CIBAR2: variants seen among roughly 807,000 people sequenced by gnomAD.
CIBAR2 encodes the protein CBY1-interacting BAR domain-containing protein 2.
A neutral mutation model predicts 36.2 loss-of-function variants in CIBAR2; 38 were observed. The ratio of observed to expected loss-of-function variants is 1.05; its 90% CI spans 0.81 to 1.38. The LOEUF (loss-of-function observed/expected upper bound fraction) is 1.38, where lower values mean the gene tolerates loss of function less well. Ranked by LOEUF, CIBAR2 falls within the 40% of genes most tolerant of loss-of-function variation. The pLI is 0.00. For missense variants in CIBAR2, 481 were observed against 383.4 expected, an observed-to-expected ratio of 1.25 and a Z score of -2.13; for synonymous variants, 182 against 149.5, an observed-to-expected ratio of 1.22 and a Z score of -1.58.
intron 7 of CIBAR2, among the ~76,000 whole-genome samples, chr16:85,101,823 C>A (rs2073957958): frequency 1.3e-5 from 2 of 152,068 alleles, no homozygotes; most frequent in African/African-American, 4.8e-5. Flanking sequence ...GTGCCCACCA[C>A]CACGCCTGGC....
chr16:85,108,260 C>T (rs974473024), intron 2 of CIBAR2, among the ~76,000 whole-genome samples, 161 bp from the exon 3 acceptor site: 11 of 152,178 alleles, frequency 7.2e-5, no homozygotes, highest in African/African-American at 1.7e-4. Context: ...GTTGGAGGCA[C>T]GGAGCTGGGT....
At chr16:85,108,171 G>T in intron 2 of CIBAR2, 72 bp from the exon 3 acceptor site, 1 of 1,438,112 alleles carries the variant, frequency 7.0e-7, no homozygotes, top group Non-Finnish European at 9.4e-7. Context: ...ATATAAAGCA[G>T]AGCCGGCACC....
intron 4 of CIBAR2, 42 bp from the exon 5 acceptor site, chr16:85,107,714 G>T: frequency 6.2e-7 from 1 of 1,613,262 alleles, no homozygotes; most frequent in African/African-American, 1.3e-5. Context: ...AGCCCAGGCA[G>T]CCCCGTTGGG....
intron 6 of CIBAR2, among the ~76,000 whole-genome samples, chr16:85,104,544 C>G (rs1220005499): frequency 6.6e-6 from 1 of 152,022 alleles, no homozygotes; most frequent in Non-Finnish European, 1.5e-5. Context: ...CACCTCCCCC[C>G]ATCTCTACTA....
chr16:85,098,907 G>T lies in CIBAR2; in HGVS notation c.*278C>A. On this transcript the variant is annotated 3_prime_UTR_variant, in exon 9 of 9. Transcript: ENST00000539556. ...GAGACTTTCCCAAGGTCACACCGCC[G>T]GGAGCAGTGGGCTCGGACCAAGAAA... 3.5e-6 allele frequency: 1 copy of T among 286,142 alleles called. No homozygotes were observed. Among genetic ancestry groups the T allele is most frequent in the Non-Finnish European group, 6.2e-6 (1 of 161,258 alleles). The allele number at this position is 286,142 out of a possible 1,614,324, so 17.7% of individuals were successfully genotyped here. A position where few individuals can be genotyped will look rare whatever the true frequency, so the allele number is the denominator to read the frequency against.
At chr16:85,102,417 G>T in intron 6 of CIBAR2, 90 bp from the exon 7 acceptor site, 1 of 787,088 alleles carries the variant, frequency 1.3e-6, no homozygotes. Flanking sequence ...GTGGGGGTGT[G>T]GAGGGCTGTC....
chr16:85,100,876 T>C (rs1039919692), intron 7 of CIBAR2, among the ~76,000 whole-genome samples: 17 of 151,902 alleles, frequency 1.1e-4, no homozygotes, highest in South Asian at 2.1e-4. Context: ...TGAAACCCCG[T>C]CTCTACTAAA....
At chr16:85,107,584 G>C (rs2074006105) in intron 5 of CIBAR2, 83 bp downstream of exon 5, 1 of 1,474,736 alleles carries the variant, frequency 6.8e-7, no homozygotes, top group African/African-American at 1.4e-5. Context: ...TTCAGACCAG[G>C]TAAAGTCTAC....
intron 1 of CIBAR2, among the ~76,000 whole-genome samples, chr16:85,110,967 A>G (rs1161106653): frequency 6.6e-6 from 1 of 152,056 alleles, no homozygotes; most frequent in Non-Finnish European, 1.5e-5. Flanking sequence ...GGCCTCCCAA[A>G]GTGCTGGGAT....
At chr16:85,100,271 C>T (rs1275405364) in intron 7 of CIBAR2, 31 bp from the exon 8 acceptor site, 1 of 1,486,240 alleles carries the variant, frequency 6.7e-7, no homozygotes, top group Non-Finnish European at 9.3e-7. Context: ...TGGGTGGGAT[C>T]CGATGGGAAA....
At chr16:85,107,994 A>T (rs756627562) in intron 3 of CIBAR2, 37 bp downstream of exon 3, 16 of 1,613,556 alleles carry the variant, frequency 9.9e-6, no homozygotes, top group Non-Finnish European at 2.5e-6. Context: ...ACAGGGCAAG[A>T]CAGGGATGCC....
At chr16:85,109,009 C>T (rs1006470965) in intron 2 of CIBAR2, among the ~76,000 whole-genome samples, 2 of 152,178 alleles carry the variant, frequency 1.3e-5, no homozygotes, top group African/African-American at 4.8e-5. Flanking sequence ...TCCTGGTGCC[C>T]TGGTCTTCCT....
rs749226702 is a variant in CIBAR2 at position 85,105,324 on chromosome 16, C to A, written c.537+3G>T. On this transcript the variant is annotated splice_donor_region_variant and intron_variant, in intron 6 of 8. Transcript: ENST00000539556. ...GCCTCCCATCCCGGCCAACCACCCT[C>A]ACCTGCAGGTCCTTGAGCTTCTGCC... The A allele has an allele frequency of 5.6e-6, 9 of 1,606,214 alleles. No individual in the cohort carries two copies.
rs373537386 is a variant in CIBAR2 at position 85,099,357 on chromosome 16, A to G, written c.754-11T>C. On this transcript the variant is annotated splice_polypyrimidine_tract_variant and intron_variant, in intron 8 of 8. Transcript: ENST00000539556. Reference sequence around the variant, plus strand: ...GACCTGCAGAGTTCCCTGCAGAAATATAAATGCACCTGATGGCAGGCCTTC... The same window carrying G: ...GACCTGCAGAGTTCCCTGCAGAAATGTAAATGCACCTGATGGCAGGCCTTC... 2 of 1,442,200 alleles carry G rather than the reference A, an allele frequency of 1.4e-6. No individual in the cohort carries two copies. Among genetic ancestry groups the G allele is most frequent in the Non-Finnish European group, 9.8e-7 (1 of 1,023,296 alleles). 89.3% of individuals were successfully genotyped at this position (1,442,200 alleles called of 1,614,324 possible).
At chr16:85,108,162 T>C in intron 2 of CIBAR2, 63 bp from the exon 3 acceptor site, 1 of 1,493,522 alleles carries the variant, frequency 6.7e-7, no homozygotes, top group Admixed American at 2.0e-5. Flanking sequence ...AGCCTGGGCA[T>C]ATAAAGCAGA....
intron 1 of CIBAR2, among the ~76,000 whole-genome samples, chr16:85,110,720 T>TTTTTTTCTG (rs778091487): frequency 7.4e-6 from 1 of 135,404 alleles, no homozygotes; most frequent in Non-Finnish European, 1.6e-5. Flanking sequence ...TTTTTTTTTT[T>TTTTTTTCTG]TGGAGACAGA....
chr16:85,101,960 G>A (rs1050743259), intron 7 of CIBAR2, among the ~76,000 whole-genome samples: 3 of 152,094 alleles, frequency 2.0e-5, no homozygotes, highest in African/African-American at 7.2e-5. Flanking sequence ...GAACCACCAT[G>A]CCCCCGCCGA....
intron 1 of CIBAR2, among the ~76,000 whole-genome samples, chr16:85,111,013 C>T (rs2074038498): frequency 6.6e-6 from 1 of 152,098 alleles, no homozygotes; most frequent in Non-Finnish European, 1.5e-5. Flanking sequence ...CCCCAACTCA[C>T]CTTTAAGGGC....
intron 6 of CIBAR2, among the ~76,000 whole-genome samples, chr16:85,102,578 G>T (rs1049721949): frequency 6.6e-6 from 1 of 151,770 alleles, no homozygotes; most frequent in Non-Finnish European, 1.5e-5. Flanking sequence ...TTAAGAGGCC[G>T]AGTCAGGAGA....
Sources: gnomAD v4.1 joint callset for allele counts (sites outside exome capture counted in the v4.1 genomes callset) on GRCh38, gnomAD v4.1.1 for gene constraint, MANE v1.5 for transcripts, NCBI Gene and HGNC (gene_info 2026-07-23, HGNC 2026-07-21) for gene names.